Variants in EFCAB11 observed in about 807,000 individuals in gnomAD.
The protein encoded by EFCAB11 is EF-hand calcium binding domain 11.
A neutral mutation model predicts 23.0 loss-of-function variants in EFCAB11; 14 were observed. The ratio of observed to expected loss-of-function variants is 0.61; its 90% CI spans 0.40 to 0.95. EFCAB11 has a LOEUF of 0.95. Among genes scored for constraint, EFCAB11 ranks in the 40% least tolerant of loss-of-function variants. EFCAB11 has a pLI of 0.00. For synonymous variants in EFCAB11, 65 were observed against 66.6 expected, an observed-to-expected ratio of 0.98 and a Z score of 0.11; for missense variants, 198 against 195.8, an observed-to-expected ratio of 1.01 and a Z score of -0.07.
At chr14:89,885,882 C>CTT (rs149131993) in intron 5 of EFCAB11, among the ~76,000 whole-genome samples, 41 of 144,036 alleles carry the variant, frequency 2.8e-4, no homozygotes, top group South Asian at 6.6e-4. Context: ...TTGTTTTTTT[C>CTT]TTTTTTTTTC....
intron 5 of EFCAB11, among the ~76,000 whole-genome samples, chr14:89,928,901 T>C (rs1287443533): frequency 6.8e-6 from 1 of 147,654 alleles, no homozygotes; most frequent in African/African-American, 2.5e-5. Flanking sequence ...TATATACATT[T>C]ATATAATTCC....
In EFCAB11 at chr14:89,835,585, CGTGTGTGTGT is replaced by C. The variant is rs67831579; in HGVS notation, c.411-38271_411-38262del. On this transcript the variant is annotated intron_variant, in intron 5 of 5. Transcript: ENST00000316738. ...TGGATTTCAGATTAGGGATGCTCAA[CGTGTGTGTGT>C]GTGTGTGTGTGTGTGTGTGTGTGTG... 8.8e-3 allele frequency among the ~76,000 whole-genome samples: 825 copies of C among 93,386 alleles called. 10 individuals carry two copies. Among genetic ancestry groups the C allele is most frequent in the East Asian group, 0.031 (88 of 2,864 alleles). 61.3% of individuals were successfully genotyped at this position (93,386 alleles called of 152,430 possible).
chr14:89,846,998 T>C (rs2140134632), intron 5 of EFCAB11, among the ~76,000 whole-genome samples: 1 of 152,304 alleles, frequency 6.6e-6, no homozygotes, highest in Non-Finnish European at 1.5e-5. Context: ...GTCTTAAATA[T>C]CTCCCTGGAT....
intron 5 of EFCAB11, among the ~76,000 whole-genome samples, chr14:89,828,847 T>C (rs1464897066): frequency 1.3e-5 from 2 of 152,162 alleles, no homozygotes; most frequent in African/African-American, 4.8e-5. Context: ...ATCAAAGGTA[T>C]TTACTTGGAA....
At chr14:89,926,357 A>G (rs886552238) in intron 5 of EFCAB11, among the ~76,000 whole-genome samples, 7 of 152,234 alleles carry the variant, frequency 4.6e-5, no homozygotes, top group Non-Finnish European at 1.0e-4. Context: ...TCATTTAAAA[A>G]TAAAATCTGA....
At chr14:89,810,530 T>C (rs1202608236) in intron 5 of EFCAB11, among the ~76,000 whole-genome samples, 1 of 152,050 alleles carries the variant, frequency 6.6e-6, no homozygotes, top group Non-Finnish European at 1.5e-5. Flanking sequence ...CAGAGGTGGG[T>C]GGATCACCTG....
rs74486130 is a variant in EFCAB11 at position 89,944,513 on chromosome 14, T to C, written c.217+5584A>G. 2.2e-3 allele frequency among the ~76,000 whole-genome samples: 339 copies of C among 152,294 alleles called. 3 individuals are homozygous for C. Among genetic ancestry groups the C allele is most frequent in the African/African-American group, 7.8e-3 (324 of 41,542 alleles). On this transcript the variant is annotated intron_variant, in intron 3 of 5. Coordinates refer to ENST00000316738, the MANE Select transcript of EFCAB11 (RefSeq NM_145231.4). ...CATCCAGAAAGAATAACTCACTGAA[T>C]ATCAGGGAACTCTTAAGAAAGAGAA... is the stretch of plus-strand genomic sequence containing the variant.
chr14:89,883,745 C>T (rs916862421), intron 5 of EFCAB11, among the ~76,000 whole-genome samples: 1 of 152,236 alleles, frequency 6.6e-6, no homozygotes, highest in Non-Finnish European at 1.5e-5. Flanking sequence ...CCTGTCACTT[C>T]TAAACCACTT....
At chr14:89,869,304 G>C (rs549557835) in intron 5 of EFCAB11, among the ~76,000 whole-genome samples, 6 of 152,252 alleles carry the variant, frequency 3.9e-5, no homozygotes, top group African/African-American at 1.4e-4. Context: ...TAACCATCTT[G>C]GTATCAGTGA....
intron 5 of EFCAB11, among the ~76,000 whole-genome samples, chr14:89,837,353 A>G (rs997154388): frequency 6.6e-6 from 1 of 151,874 alleles, no homozygotes; most frequent in African/African-American, 2.4e-5. Flanking sequence ...AGGATGGGAT[A>G]TTTCTTTCCT....
intron 5 of EFCAB11, chr14:89,892,384 C>G (rs757237364): frequency 1.2e-4 from 193 of 1,604,368 alleles, no homozygotes; most frequent in Non-Finnish European, 1.4e-4. Context: ...GGCTCATCCA[C>G]AAGACCCAAA....
intron 2 of EFCAB11, among the ~76,000 whole-genome samples, chr14:89,951,306 A>C (rs1786020075): frequency 6.6e-6 from 1 of 151,872 alleles, no homozygotes; most frequent in African/African-American, 2.4e-5. Flanking sequence ...CCACCACCAC[A>C]TCCAATCAGT....
At chr14:89,870,544 A>G (rs1382395051) in intron 5 of EFCAB11, among the ~76,000 whole-genome samples, 24 of 152,200 alleles carry the variant, frequency 1.6e-4, no homozygotes, top group Non-Finnish European at 4.4e-5. Flanking sequence ...AATACATACA[A>G]AAGAACATAT....
intron 5 of EFCAB11, among the ~76,000 whole-genome samples, chr14:89,849,685 G>A (rs935562905): frequency 4.4e-5 from 6 of 134,966 alleles, no homozygotes; most frequent in African/African-American, 1.6e-4. Flanking sequence ...AATCAATTTG[G>A]GACAAGGATT....
intron 5 of EFCAB11, chr14:89,924,722 A>G: frequency 6.5e-7 from 1 of 1,534,378 alleles, no homozygotes; most frequent in South Asian, 1.2e-5. Flanking sequence ...ATTCATGAAA[A>G]TCACATGTAG....
At chr14:89,829,374 A>G (rs1227243336) in intron 5 of EFCAB11, among the ~76,000 whole-genome samples, 2 of 152,188 alleles carry the variant, frequency 1.3e-5, no homozygotes, top group Non-Finnish European at 1.5e-5. Flanking sequence ...TAAATCTTAG[A>G]TTATTCTCTT....
intron 5 of EFCAB11, among the ~76,000 whole-genome samples, chr14:89,867,851 G>A (rs1358007577): frequency 6.6e-6 from 1 of 152,202 alleles, no homozygotes; most frequent in African/African-American, 2.4e-5. Context: ...GGGAACCCCT[G>A]TGGCAGGAGG....
chr14:89,909,358 A>G (rs902214186), intron 5 of EFCAB11, among the ~76,000 whole-genome samples: 1 of 152,174 alleles, frequency 6.6e-6, no homozygotes, highest in Non-Finnish European at 1.5e-5. Context: ...TGGGCGGATC[A>G]CCTATGGCGA....
intron 5 of EFCAB11, among the ~76,000 whole-genome samples, chr14:89,804,706 C>T (rs1229107160): frequency 6.6e-6 from 1 of 152,174 alleles, no homozygotes; most frequent in Non-Finnish European, 1.5e-5. Context: ...TAAAAGAGAT[C>T]TCACTACTTC....
Sources: allele counts gnomAD v4.1 joint callset (sites outside exome capture counted in the v4.1 genomes callset), GRCh38; gene constraint gnomAD v4.1.1; transcripts MANE v1.5; gene names NCBI Gene and HGNC (gene_info 2026-07-23, HGNC 2026-07-21).